Variants in EXOC2 observed in about 807,000 individuals in gnomAD.
EXOC2 encodes the protein exocyst complex component 2.
A neutral mutation model predicts 131.8 loss-of-function variants in EXOC2; 70 were observed. That is an observed-to-expected ratio of 0.53 (90% CI 0.44 to 0.65). EXOC2 has a LOEUF of 0.65. EXOC2 is among the 30% of genes least tolerant of loss of function. EXOC2 has a pLI of 0.00. For missense variants in EXOC2, 923 were observed against 1,108.6 expected, an observed-to-expected ratio of 0.83 and a Z score of 2.38; for synonymous variants, 411 against 398.4, an observed-to-expected ratio of 1.03 and a Z score of -0.38.
chr6:623,258 A>G (rs1218607315), intron 4 of EXOC2, among the ~76,000 whole-genome samples: 1 of 152,170 alleles, frequency 6.6e-6, no homozygotes, highest in Non-Finnish European at 1.5e-5. Flanking sequence ...CTGAGATTCG[A>G]GCCCCACCCA....
intron 1 of EXOC2, among the ~76,000 whole-genome samples, chr6:646,358 A>T (rs922378112): frequency 6.6e-6 from 1 of 152,252 alleles, no homozygotes; most frequent in Non-Finnish European, 1.5e-5. Flanking sequence ...TTGGGGAAAA[A>T]GGAAACAACT....
intron 13 of EXOC2, among the ~76,000 whole-genome samples, chr6:567,419 G>C (rs918844648): frequency 6.6e-6 from 1 of 152,070 alleles, no homozygotes; most frequent in African/African-American, 2.4e-5. Flanking sequence ...CTGATATTCT[G>C]TCTTACAACC....
intron 2 of EXOC2, among the ~76,000 whole-genome samples, 181 bp downstream of exon 2, chr6:637,520 A>G (rs1219310903): frequency 2.6e-5 from 4 of 152,268 alleles, no homozygotes; most frequent in African/African-American, 9.6e-5. Context: ...ATTTGACAAA[A>G]TAATGATTTT....
intron 4 of EXOC2, among the ~76,000 whole-genome samples, chr6:628,790 A>G (rs926744747): frequency 2.0e-5 from 3 of 152,254 alleles, no homozygotes; most frequent in Middle Eastern, 3.4e-3. Context: ...GTGCTCAAAT[A>G]AATACCCAAC....
intron 13 of EXOC2, among the ~76,000 whole-genome samples, chr6:568,533 G>A (rs890438874): frequency 6.6e-6 from 1 of 152,154 alleles, no homozygotes; most frequent in African/African-American, 2.4e-5. Context: ...ATCTCTTCGT[G>A]TATGTGTGTG....
intron 1 of EXOC2, among the ~76,000 whole-genome samples, chr6:651,236 T>C (rs1475976144): frequency 6.6e-6 from 1 of 152,216 alleles, no homozygotes; most frequent in Middle Eastern, 3.4e-3. Flanking sequence ...GGTTTCACTA[T>C]GTTAGCCAGG....
At chr6:573,206 G>A (rs371397239) in intron 12 of EXOC2, among the ~76,000 whole-genome samples, 2 of 152,296 alleles carry the variant, frequency 1.3e-5, no homozygotes, top group East Asian at 1.9e-4. Flanking sequence ...AACTAGAAAC[G>A]TTGAAACCTC....
chr6:531,331 C>A (rs1354965500), intron 23 of EXOC2, among the ~76,000 whole-genome samples: 1 of 146,160 alleles, frequency 6.8e-6, no homozygotes, highest in Non-Finnish European at 1.5e-5. Context: ...CTGATAGAAC[C>A]TGCCTTAAAC....
intron 11 of EXOC2, among the ~76,000 whole-genome samples, chr6:589,045 C>A (rs1002000039): frequency 6.6e-6 from 1 of 152,232 alleles, no homozygotes; most frequent in South Asian, 2.1e-4. Context: ...AAATTACACA[C>A]ATATTCCAGA....
At chr6:636,660 A>C (rs1447338640) in intron 2 of EXOC2, among the ~76,000 whole-genome samples, 2 of 152,212 alleles carry the variant, frequency 1.3e-5, no homozygotes, top group Non-Finnish European at 2.9e-5. Flanking sequence ...CAGCTCCGTC[A>C]TCAGTGCAGA....
chr6:620,182 C>T (rs925007636), intron 4 of EXOC2, among the ~76,000 whole-genome samples: 8 of 152,146 alleles, frequency 5.3e-5, no homozygotes, highest in African/African-American at 1.9e-4. Context: ...TATATTCGTT[C>T]GACTATTAAT....
intron 1 of EXOC2, among the ~76,000 whole-genome samples, chr6:649,964 TTTTTTTAATG>T (rs1167792433): frequency 1.3e-5 from 2 of 152,208 alleles, no homozygotes; most frequent in Non-Finnish European, 2.9e-5. Context: ...AGACTTTGAC[TTTTTTTAATG>T]TAAGACTTTA....
rs572489456 is a variant in EXOC2, at chr6:563,077, C to T, written c.1790-232G>A. Among the ~76,000 whole-genome samples the T allele has an allele frequency of 5.3e-5, 8 of 152,300 alleles. No individual in the cohort carries two copies. In the South Asian group the frequency reaches 1.5e-3, roughly 28 times the overall value. Reference sequence around the variant, plus strand: ...GAATAAAAGTTTTTACTGTATAGCCCAATTTGGGGAATTCTACGTTGGATT... The same window carrying T: ...GAATAAAAGTTTTTACTGTATAGCCTAATTTGGGGAATTCTACGTTGGATT... On this transcript the variant is annotated intron_variant, in intron 16 of 27. Coordinates refer to ENST00000230449, the MANE Select transcript of EXOC2 (RefSeq NM_018303.6).
chr6:549,112 A>T, intron 22 of EXOC2, 63 bp downstream of exon 22: 1 of 1,372,872 alleles, frequency 7.3e-7, no homozygotes, highest in Non-Finnish European at 1.0e-6. Flanking sequence ...ACAGGCTAGG[A>T]AACAGCTTGA....
intron 23 of EXOC2, among the ~76,000 whole-genome samples, chr6:523,794 T>C (rs531907224): frequency 1.6e-4 from 25 of 152,240 alleles, no homozygotes; most frequent in African/African-American, 5.5e-4. Flanking sequence ...AATGACCTTA[T>C]TGGTGATATC....
At chr6:668,159 G>A (rs1008020589) in intron 1 of EXOC2, among the ~76,000 whole-genome samples, 6 of 150,154 alleles carry the variant, frequency 4.0e-5, no homozygotes, top group South Asian at 2.2e-4. Flanking sequence ...GTCTTGCTCC[G>A]TGTTCTCTGG....
intron 13 of EXOC2, among the ~76,000 whole-genome samples, chr6:571,108 T>C (rs866782651): frequency 3.3e-5 from 5 of 152,228 alleles, no homozygotes; most frequent in Non-Finnish European, 7.3e-5. Context: ...GCAACTCTCA[T>C]TATGTAGACC....
chr6:576,918 C>T (rs565949335), intron 11 of EXOC2, 36 bp from the exon 12 acceptor site: 4 of 1,604,240 alleles, frequency 2.5e-6, no homozygotes, highest in South Asian at 1.1e-5. Context: ...GAGTATATAG[C>T]ATGCTCTATA....
chr6:528,137 C>T (rs796775303), intron 23 of EXOC2, among the ~76,000 whole-genome samples: 28 of 151,972 alleles, frequency 1.8e-4, no homozygotes, highest in African/African-American at 6.3e-4. Context: ...TTTAAATACC[C>T]AACGGTAAGA....
Sources: allele counts gnomAD v4.1 joint callset (sites outside exome capture counted in the v4.1 genomes callset), GRCh38; gene constraint gnomAD v4.1.1; transcripts MANE v1.5; gene names NCBI Gene and HGNC (gene_info 2026-07-23, HGNC 2026-07-21).